Variants in STK10 observed in about 807,000 individuals in gnomAD.
The protein encoded by STK10 is serine/threonine-protein kinase 10.
STK10 carries 78 observed loss-of-function variants against 113.8 expected under a neutral mutation model. The ratio of observed to expected loss-of-function variants is 0.69; its 90% confidence interval spans 0.57 to 0.83. The LOEUF (loss-of-function observed/expected upper bound fraction) is 0.83. STK10 is among the 40% of genes least tolerant of loss of function. The pLI is 0.00. For synonymous variants in STK10, 465 were observed against 494.7 expected (o/e 0.94, Z 0.80); for missense variants, 1,109 against 1,280.1 (o/e 0.87, Z 2.04).
intron 2 of STK10, among the ~76,000 whole-genome samples, chr5:172,141,701 G>A (rs1353795640): frequency 6.6e-6 from 1 of 152,124 alleles, no homozygotes; most frequent in Admixed American, 6.6e-5. Flanking sequence ...CTTGTCAGAG[G>A]TGTGGTCTCT....
At chr5:172,159,541 G>A (rs116535318) in intron 1 of STK10, among the ~76,000 whole-genome samples, 4,489 of 152,182 alleles carry the variant, frequency 0.029, 241 homozygotes, top group African/African-American at 0.1. Context: ...AAAGAAAACA[G>A]CCGGGCACAG....
rs114967350 is a variant in STK10 at position 172,065,590 on chromosome 5, C to T, written c.1990-778G>A. Among the ~76,000 whole-genome samples, 971 of 152,198 alleles carry T rather than the reference C, an allele frequency of 6.4e-3. 5 individuals are homozygous for T. The highest frequency in any genetic ancestry group is 0.022 in the African/African-American group (926 of 41,518). On this transcript the variant is annotated intron_variant, in intron 12 of 18. Transcript: ENST00000176763. Reference sequence around the variant, plus strand: ...GTCCAGGTGAACTGACATCCCTACCCCCGCTGGCCCTGGGCTGAGCATCTG... The same window carrying T: ...GTCCAGGTGAACTGACATCCCTACCTCCGCTGGCCCTGGGCTGAGCATCTG...
intron 1 of STK10, among the ~76,000 whole-genome samples, chr5:172,165,417 A>C (rs983346191): frequency 4.6e-5 from 7 of 152,204 alleles, no homozygotes; most frequent in Non-Finnish European, 7.3e-5. Flanking sequence ...ACACAAGAGC[A>C]AAGAGCCTAG....
At position 172,133,310 on chromosome 5, in the gene STK10, A is replaced by C. The variant is rs1769793442; in HGVS notation, c.322-5889T>G. On this transcript the variant is annotated intron_variant, in intron 2 of 18. Coordinates refer to ENST00000176763, the MANE Select transcript of STK10 (RefSeq NM_005990.4). This position sits in a 1 kb window ranked among gnomAD's most constrained non-coding sequence, Gnocchi z 4.9. Reference sequence around the variant, plus strand: ...CTAGATGCATTATTAAGGAAAAAACAGTGGGTTGGGGACAAACAGCGAAGA... The same window carrying C: ...CTAGATGCATTATTAAGGAAAAAACCGTGGGTTGGGGACAAACAGCGAAGA... Among the ~76,000 whole-genome samples the C allele has an allele frequency of 6.6e-6, 1 of 152,180 alleles. No homozygotes were observed. The highest frequency in any genetic ancestry group is 1.5e-5 in the Non-Finnish European group (1 of 68,020).
chr5:172,142,279 G>A (rs901289133), intron 2 of STK10, among the ~76,000 whole-genome samples: 6 of 152,124 alleles, frequency 3.9e-5, no homozygotes, highest in African/African-American at 1.4e-4. Context: ...GCTCAATATT[G>A]CTTAGGACTG....
intron 4 of STK10, among the ~76,000 whole-genome samples, chr5:172,112,783 G>A (rs1183521782): frequency 1.3e-5 from 2 of 150,606 alleles, no homozygotes; most frequent in Non-Finnish European, 2.9e-5. Context: ...TTTCATTCTT[G>A]TTGCCCAGGC....
At chr5:172,140,297 G>C (rs1386748992) in intron 2 of STK10, among the ~76,000 whole-genome samples, 2 of 152,236 alleles carry the variant, frequency 1.3e-5, no homozygotes, top group Non-Finnish European at 2.9e-5. Flanking sequence ...GATGACACGT[G>C]TTGATGAGGA....
intron 12 of STK10, among the ~76,000 whole-genome samples, chr5:172,070,171 C>A: frequency 6.6e-6 from 1 of 151,832 alleles, no homozygotes; most frequent in Non-Finnish European, 1.5e-5. Context: ...TCACTTGAAC[C>A]CGGGAGGCAG....
Position 172,082,383 on chromosome 5 carries a change from C to T in STK10, c.1932G>A (p.Leu644=). 2 of 1,607,790 alleles carry T rather than the reference C, an allele frequency of 1.2e-6. No individual in the cohort carries two copies. The highest frequency in any genetic ancestry group is 2.2e-5 in the South Asian group (2 of 90,230). ...RRREEARRIR[L]EQDRDYTRFQ... is the part of the protein sequence containing the mutation. ...ACCTGGTGTAGTCCCGATCCTGCTC[C>T]AGGCGGATCCGCCTGGCCTCCTCCC... is the stretch of plus-strand genomic sequence containing the variant. The change falls in exon 12 of 19, where the codon CTG becomes CTA. Residue 644 remains leucine (L), a synonymous_variant. Transcript: ENST00000176763. This position sits in a 1 kb window ranked among gnomAD's most constrained non-coding sequence, Gnocchi z 4.3.
At chr5:172,183,961 C>G (rs916037073) in intron 1 of STK10, among the ~76,000 whole-genome samples, 1 of 152,092 alleles carries the variant, frequency 6.6e-6, no homozygotes, top group Non-Finnish European at 1.5e-5. Context: ...GGAGACTGCT[C>G]CTGTGAAGAC....
chr5:172,061,374 AG>A (rs1767933366), intron 13 of STK10, 106 bp from the exon 14 acceptor site: 4 of 1,461,760 alleles, frequency 2.7e-6, no homozygotes, highest in Non-Finnish European at 3.6e-6. Flanking sequence ...AAGAAAATGC[AG>A]GAACAGAAAA....
rs147665353 is a variant in STK10, at chr5:172,180,931, G to C, written c.156+6956C>G. On this transcript the variant is annotated intron_variant, in intron 1 of 18. Coordinates refer to ENST00000176763, the MANE Select transcript of STK10 (RefSeq NM_005990.4). ...GCTCCAACACCATCAACATACCAGG[G>C]AGTGATTCTGCTATAATGCTAAGGT... 4.6e-4 allele frequency among the ~76,000 whole-genome samples: 70 copies of C among 152,310 alleles called. No homozygotes were observed. The East Asian group carries it at 0.013, about 28-fold the overall frequency.
At chr5:172,157,599 G>T (rs1416942321) in intron 1 of STK10, among the ~76,000 whole-genome samples, 13 of 151,736 alleles carry the variant, frequency 8.6e-5, no homozygotes, top group Admixed American at 5.9e-4. Flanking sequence ...AATTTTTTTT[G>T]TTGTTTTTTG....
At chr5:172,168,471 C>G (rs1001529770) in intron 1 of STK10, among the ~76,000 whole-genome samples, 1 of 152,216 alleles carries the variant, frequency 6.6e-6, no homozygotes, top group African/African-American at 2.4e-5. Flanking sequence ...ACTAAGGCCC[C>G]TGGCTGGCAG....
rs775576814 is a variant in STK10 at position 172,093,920 on chromosome 5, G to A, written c.1046C>T (p.Pro349Leu). 87 of 1,527,542 alleles carry A rather than the reference G, an allele frequency of 5.7e-5. No homozygotes were observed. In the Middle Eastern group the frequency reaches 8.9e-4, roughly 16 times the overall value. The allele number at this position is 1,527,542 out of a possible 1,614,324, so 94.6% of individuals were successfully genotyped here. The change falls in exon 9 of 19, where the codon CCG becomes CTG. Residue 349 changes from proline to leucine, a missense_variant. Physicochemically the swap from Pro to Leu is moderately conservative, Grantham distance 98 (BLOSUM62 -3). This residue lies in a region of STK10 where 885 missense variants were observed against 991.1 expected (regional missense o/e 0.89). Coordinates refer to ENST00000176763, the MANE Select transcript of STK10 (RefSeq NM_005990.4). This position sits in a 1 kb window ranked among gnomAD's most constrained non-coding sequence, Gnocchi z 4.1. ...NHTQNSSEVS[P>L]PSLNADKPLE... is the part of the protein sequence containing the mutation. ...AGGCTTGTCAGCATTGAGGCTTGGC[G>A]GACTCACCTCAGAGGAGTTCTGAGT...
chr5:172,096,385 TC>T (rs1211258680), intron 8 of STK10, 40 bp downstream of exon 8: 3 of 1,602,368 alleles, frequency 1.9e-6, no homozygotes, highest in South Asian at 2.2e-5. Flanking sequence ...TGAGATCCTG[TC>T]CTCCCAGCCC....
intron 2 of STK10, among the ~76,000 whole-genome samples, chr5:172,134,923 C>CA (rs546228084): frequency 0.079 from 9,958 of 126,628 alleles, 1,115 homozygotes; most frequent in African/African-American, 0.26. Context: ...GACTTTATCT[C>CA]AAAAAAAAAA....
intron 3 of STK10, among the ~76,000 whole-genome samples, chr5:172,118,484 G>T (rs766284612): frequency 2.6e-5 from 4 of 152,146 alleles, no homozygotes; most frequent in Non-Finnish European, 4.4e-5. Flanking sequence ...CAGAGGAAAT[G>T]ACATTTGGGC....
Position 172,187,161 on chromosome 5 carries a change from C to T in STK10, c.156+726G>A, listed in dbSNP as rs1453190868. Among the ~76,000 whole-genome samples, 4 of 152,164 alleles carry T rather than the reference C, an allele frequency of 2.6e-5. No homozygotes were observed. Among genetic ancestry groups the T allele is most frequent in the African/African-American group, 9.7e-5 (4 of 41,426 alleles). ...CACACTTCTCTAGACTCAATCAGCT[C>T]TGCCCCACCCACTCCACAAAAGCTC... On this transcript the variant is annotated intron_variant, in intron 1 of 18. Transcript: ENST00000176763. The surrounding 1 kb of genome is among the most constrained non-coding windows in gnomAD (Gnocchi z 4.6).
Sources: gnomAD v4.1 joint callset for allele counts (sites outside exome capture counted in the v4.1 genomes callset) on GRCh38, gnomAD v4.1.1 for gene constraint, gnomAD v4.1.1 regional missense constraint, Gnocchi (gnomAD v3.1) non-coding constraint, MANE v1.5 for transcripts, NCBI Gene and HGNC (gene_info 2026-07-23, HGNC 2026-07-21) for gene names.